CSMD1: variants seen among roughly 807,000 people sequenced by gnomAD.
CSMD1 encodes the protein CUB and Sushi multiple domains 1, also known as CUB and sushi domain-containing protein 1.
CSMD1 carries 213 observed loss-of-function variants against 417.5 expected under a neutral mutation model. That is an observed-to-expected ratio of 0.51 (90% CI 0.46 to 0.57). The LOEUF is 0.57. Among genes scored for constraint, CSMD1 ranks in the 20% least tolerant of loss-of-function variants. The pLI is 0.00. For missense variants in CSMD1, 6,923 were observed against 4,529.7 expected (o/e 1.53, Z -15.17); for synonymous variants, 2,862 against 1,736.8 (o/e 1.65, Z -16.11).
intron 3 of CSMD1, among the ~76,000 whole-genome samples, chr8:4,108,505 C>G (rs1185162917): frequency 6.6e-6 from 1 of 152,156 alleles, no homozygotes; most frequent in Admixed American, 6.5e-5. Context: ...CTTATAAATG[C>G]AGTTTTAATT....
chr8:3,309,370 T>C (rs1322902373), intron 23 of CSMD1, among the ~76,000 whole-genome samples: 1 of 147,878 alleles, frequency 6.8e-6, no homozygotes, highest in Non-Finnish European at 1.5e-5. Flanking sequence ...ACACTCCTGA[T>C]GGTGCATGGT....
chr8:4,023,243 C>G (rs1796877728), intron 4 of CSMD1, among the ~76,000 whole-genome samples: 1 of 152,188 alleles, frequency 6.6e-6, no homozygotes, highest in Non-Finnish European at 1.5e-5. Flanking sequence ...ATCTCCAAAT[C>G]ACCGCTGCGC....
chr8:3,358,527 G>T (rs1454101451), intron 21 of CSMD1, among the ~76,000 whole-genome samples: 1 of 152,154 alleles, frequency 6.6e-6, no homozygotes, highest in Non-Finnish European at 1.5e-5. Context: ...CACCCCACTG[G>T]ATCAGCAAGC....
Position 3,836,996 on chromosome 8 carries a change from G to A in CSMD1, c.819-82954C>T, listed in dbSNP as rs368780258. On this transcript the variant is annotated intron_variant, in intron 5 of 69. Coordinates refer to ENST00000635120, the MANE Select transcript of CSMD1 (RefSeq NM_033225.6). Reference sequence around the variant, plus strand: ...AAAACAGAACTAAGATCCTTAATTAGCTACTTTAAGTGAAGTTACTCCCTT... The same window carrying A: ...AAAACAGAACTAAGATCCTTAATTAACTACTTTAAGTGAAGTTACTCCCTT... 4.6e-5 allele frequency among the ~76,000 whole-genome samples: 7 copies of A among 151,710 alleles called. 1 individual carries two copies. The highest frequency in any genetic ancestry group is 1.3e-4 in the Admixed American group (2 of 15,212).
intron 57 of CSMD1, among the ~76,000 whole-genome samples, chr8:2,970,742 T>C (rs1387001011): frequency 5.3e-5 from 8 of 152,238 alleles, no homozygotes; most frequent in Admixed American, 2.6e-4. Flanking sequence ...AAACCCACCA[T>C]GGTGCTTTCC....
chr8:4,168,553 G>A (rs780159861), intron 3 of CSMD1, among the ~76,000 whole-genome samples: 19 of 152,112 alleles, frequency 1.2e-4, no homozygotes, highest in Non-Finnish European at 2.4e-4. Flanking sequence ...ACAGTGAGCA[G>A]ATGAGAAGCA....
intron 10 of CSMD1, among the ~76,000 whole-genome samples, chr8:3,549,667 T>C (rs1032409337): frequency 4.6e-5 from 7 of 152,194 alleles, no homozygotes; most frequent in African/African-American, 7.2e-5. Context: ...AGGAGAAATC[T>C]AGCTAGCCCC....
At chr8:4,890,090 C>T (rs1041300644) in intron 1 of CSMD1, among the ~76,000 whole-genome samples, 1 of 152,076 alleles carries the variant, frequency 6.6e-6, no homozygotes, top group African/African-American at 2.4e-5. Flanking sequence ...ACGTCAGAAA[C>T]TAGTTCTAAG....
chr8:4,629,377 T>G (rs1031365424), intron 2 of CSMD1, among the ~76,000 whole-genome samples: 3 of 152,184 alleles, frequency 2.0e-5, no homozygotes, highest in Non-Finnish European at 4.4e-5. Flanking sequence ...CATACTGCAT[T>G]GTTTTAACTT....
At chr8:3,999,916 T>G (rs984192808) in intron 4 of CSMD1, among the ~76,000 whole-genome samples, 1 of 152,214 alleles carries the variant, frequency 6.6e-6, no homozygotes, top group South Asian at 2.1e-4. Flanking sequence ...AAACTCATTT[T>G]TTAGATCCCA....
chr8:4,486,407 A>G (rs1352216355), intron 2 of CSMD1, among the ~76,000 whole-genome samples: 1 of 150,994 alleles, frequency 6.6e-6, no homozygotes, highest in Admixed American at 6.6e-5. Context: ...CAGGAATCAT[A>G]ACATGATTTA....
chr8:3,136,415 C>T (rs917376406), intron 41 of CSMD1, among the ~76,000 whole-genome samples: 1 of 151,958 alleles, frequency 6.6e-6, no homozygotes, highest in Admixed American at 6.6e-5. Flanking sequence ...CAGGCGCTCC[C>T]CACCATGCCC....
rs183064947 is a variant in CSMD1, at chr8:4,322,274, G to C, written c.415+97679C>G. 4.7e-4 allele frequency among the ~76,000 whole-genome samples: 71 copies of C among 152,224 alleles called. 2 individuals carry two copies. The East Asian group carries it at 0.013, about 27-fold the overall frequency. ...TGTATTTAAAATAGTTTAAACATAA[G>C]TGAGACCTGAATTCAATTTCATGTT... On this transcript the variant is annotated intron_variant, in intron 3 of 69. Transcript: ENST00000635120.
intron 18 of CSMD1, chr8:3,375,283 T>G (rs2116739969): frequency 6.6e-6 from 1 of 152,358 alleles, no homozygotes; most frequent in East Asian, 1.9e-4. Flanking sequence ...TCAACTGGTG[T>G]GTTTCAGGTT....
intron 2 of CSMD1, among the ~76,000 whole-genome samples, chr8:4,567,763 A>T (rs1044790345): frequency 6.6e-6 from 1 of 152,136 alleles, no homozygotes; most frequent in African/African-American, 2.4e-5. Context: ...ATATTAAACT[A>T]TTGCTGGTCA....
intron 1 of CSMD1, among the ~76,000 whole-genome samples, chr8:4,722,362 G>A (rs1171971870): frequency 6.6e-6 from 1 of 152,034 alleles, no homozygotes; most frequent in Non-Finnish European, 1.5e-5. Context: ...TTTATCAAAG[G>A]CAAACTTAAC....
At chr8:4,454,556 GCA>G (rs2129868788) in intron 2 of CSMD1, among the ~76,000 whole-genome samples, 1 of 152,262 alleles carries the variant, frequency 6.6e-6, no homozygotes, top group South Asian at 2.1e-4. Flanking sequence ...GAGCACCTTT[GCA>G]CAGAGTAGAC....
chr8:4,259,166 C>G (rs1262427778), intron 3 of CSMD1, among the ~76,000 whole-genome samples: 3 of 152,150 alleles, frequency 2.0e-5, no homozygotes, highest in Non-Finnish European at 4.4e-5. Context: ...ACACACGAAG[C>G]TAAGGGCCAT....
intron 2 of CSMD1, among the ~76,000 whole-genome samples, chr8:4,486,475 A>C: frequency 6.6e-6 from 1 of 151,674 alleles, no homozygotes; most frequent in Admixed American, 6.6e-5. Flanking sequence ...TTCTTCCTTT[A>C]TATTAGTTTT....
Sources: allele counts gnomAD v4.1 joint callset (sites outside exome capture counted in the v4.1 genomes callset), GRCh38; gene constraint gnomAD v4.1.1; transcripts MANE v1.5; gene names NCBI Gene and HGNC (gene_info 2026-07-23, HGNC 2026-07-21).